SLC5A11: variants seen among roughly 807,000 people sequenced by gnomAD.
The protein encoded by SLC5A11 is solute carrier family 5 member 11, also known as sodium/myo-inositol cotransporter 2.
SLC5A11 carries 48 observed loss-of-function variants against 69.8 expected under a neutral mutation model. That is an observed-to-expected ratio of 0.69 (90% confidence interval 0.55 to 0.87). SLC5A11 has a LOEUF of 0.87. SLC5A11 is among the 40% of genes least tolerant of loss of function. The pLI, the probability that SLC5A11 is intolerant of heterozygous loss-of-function variation, is 0.00. For synonymous variants in SLC5A11, 319 were observed against 342.4 expected (o/e 0.93, Z 0.75); for missense variants, 784 against 866.1 (o/e 0.91, Z 1.19).
intron 11 of SLC5A11, 126 bp downstream of exon 12, chr16:24,906,890 C>T: frequency 7.0e-7 from 1 of 1,428,090 alleles, no homozygotes; most frequent in Non-Finnish European, 9.6e-7. Context: ...CTGGGCTCCC[C>T]AAGAAAGGCT....
At chr16:24,897,318 T>C (rs1200468499) in intron 9 of SLC5A11, among the ~76,000 whole-genome samples, 1 of 152,024 alleles carries the variant, frequency 6.6e-6, no homozygotes, top group East Asian at 1.9e-4. Context: ...GGGGACATGC[T>C]TTTCCTTCAT....
intron 1 of SLC5A11, among the ~76,000 whole-genome samples, chr16:24,847,735 C>T (rs1204936866): frequency 6.6e-6 from 1 of 152,244 alleles, no homozygotes. Context: ...ATTGGGCATC[C>T]TGCAGATAGG....
intron 1 of SLC5A11, among the ~76,000 whole-genome samples, chr16:24,851,644 G>T (rs1384979389): frequency 6.6e-6 from 1 of 152,212 alleles, no homozygotes. Context: ...TTATAAAATG[G>T]ACGGGGAACA....
At chr16:24,875,594 C>T (rs755086731) in intron 5 of SLC5A11, 33 bp from the exon 7 acceptor site, 9 of 1,585,836 alleles carry the variant, frequency 5.7e-6, no homozygotes, top group African/African-American at 5.4e-5. Flanking sequence ...TGGTGAAGTC[C>T]GCTGGTGGTG....
At chr16:24,855,732 A>T (rs1459637061) in intron 1 of SLC5A11, among the ~76,000 whole-genome samples, 1 of 152,150 alleles carries the variant, frequency 6.6e-6, no homozygotes, top group Non-Finnish European at 1.5e-5. Flanking sequence ...AGCCAACTTG[A>T]CCCATCCATC....
intron 1 of SLC5A11, among the ~76,000 whole-genome samples, chr16:24,847,806 G>C (rs1349048340): frequency 6.6e-6 from 1 of 152,218 alleles, no homozygotes; most frequent in East Asian, 1.9e-4. Flanking sequence ...CTATAGCAAA[G>C]GCTCTAAAAA....
At chr16:24,900,876 C>T (rs2049528413) in intron 10 of SLC5A11, among the ~76,000 whole-genome samples, 1 of 149,568 alleles carries the variant, frequency 6.7e-6, no homozygotes, top group African/African-American at 2.5e-5. Context: ...TATTATTACA[C>T]CACTGCATTC....
chr16:24,893,170 C>A (rs1195962086), intron 9 of SLC5A11, among the ~76,000 whole-genome samples: 1 of 149,452 alleles, frequency 6.7e-6, no homozygotes, highest in Non-Finnish European at 1.5e-5. Flanking sequence ...CACCTGTAAT[C>A]CCAGCTACTC....
intron 4 of SLC5A11, 122 bp from the exon 6 acceptor site, chr16:24,872,038 C>A: frequency 2.8e-6 from 3 of 1,086,136 alleles, no homozygotes; most frequent in Non-Finnish European, 4.3e-6. Context: ...AACCACTCAG[C>A]GAGTAAGAGA....
At chr16:24,890,575 GATAC>G (rs1364462824) in intron 8 of SLC5A11, among the ~76,000 whole-genome samples, 1 of 150,088 alleles carries the variant, frequency 6.7e-6, no homozygotes, top group African/African-American at 2.5e-5. Flanking sequence ...AACTTGGATA[GATAC>G]ATTCATTACT....
chr16:24,853,767 C>T (rs566215478), intron 1 of SLC5A11, among the ~76,000 whole-genome samples: 1 of 152,346 alleles, frequency 6.6e-6, no homozygotes, highest in African/African-American at 2.4e-5. Context: ...GAGGTGAAAT[C>T]ACGTTTGCCT....
chr16:24,882,629 T>A (rs2048119495), intron 7 of SLC5A11, among the ~76,000 whole-genome samples: 1 of 152,184 alleles, frequency 6.6e-6, no homozygotes, highest in African/African-American at 2.4e-5. Flanking sequence ...ACCAGGATCA[T>A]CATTATGAAT....
chr16:24,859,093 T>C (rs138870595), intron 2 of SLC5A11: 4,036 of 204,324 alleles, frequency 0.02, 69 homozygotes, highest in Non-Finnish European at 0.029. Context: ...CCTCATCCTG[T>C]AAGTTAGGAG....
At chr16:24,849,601 T>A (rs867781560) in intron 1 of SLC5A11, among the ~76,000 whole-genome samples, 1,826 of 85,640 alleles carry the variant, frequency 0.021, 23 homozygotes, top group African/African-American at 0.026. Context: ...AAAATATATA[T>A]ATATATATAT....
chr16:24,857,453 G>A (rs1187287795), intron 1 of SLC5A11, among the ~76,000 whole-genome samples: 1 of 152,210 alleles, frequency 6.6e-6, no homozygotes, highest in African/African-American at 2.4e-5. Context: ...TACAGTTACA[G>A]AGGTTAGAAG....
intron 3 of SLC5A11, among the ~76,000 whole-genome samples, 177 bp downstream of exon 4, chr16:24,862,849 A>T (rs2046664699): frequency 6.7e-6 from 1 of 149,628 alleles, no homozygotes; most frequent in African/African-American, 2.5e-5. Context: ...AAAAAAAAAC[A>T]ATTTGTCACC....
chr16:24,880,493 C>A (rs992859755), intron 7 of SLC5A11, among the ~76,000 whole-genome samples: 2 of 152,136 alleles, frequency 1.3e-5, no homozygotes, highest in African/African-American at 4.8e-5. Flanking sequence ...TGCCACCATG[C>A]CCAGCTAATT....
intron 3 of SLC5A11, among the ~76,000 whole-genome samples, chr16:24,867,279 C>G (rs2046978884): frequency 6.6e-6 from 1 of 151,910 alleles, no homozygotes; most frequent in Non-Finnish European, 1.5e-5. Flanking sequence ...ACCAATGGGC[C>G]AAAGAAGAAA....
chr16:24,897,613 C>A (rs1309151726), intron 9 of SLC5A11, among the ~76,000 whole-genome samples: 1 of 152,138 alleles, frequency 6.6e-6, no homozygotes, highest in Non-Finnish European at 1.5e-5. Context: ...CATACTGAGA[C>A]TGAGTAATTT....
Sources: gnomAD v4.1 joint callset for allele counts (sites outside exome capture counted in the v4.1 genomes callset) on GRCh38, gnomAD v4.1.1 for gene constraint, MANE v1.5 for transcripts, NCBI Gene and HGNC (gene_info 2026-07-23, HGNC 2026-07-21) for gene names.